The following RAP1GDS1 variants were observed in gnomAD, a reference collection of about 807,000 sequenced individuals.
RAP1GDS1 encodes the protein Rap1 GTPase-GDP dissociation stimulator 1, also known as RAP1, GTP-GDP dissociation stimulator 1.
In RAP1GDS1, 35 loss-of-function variants were observed where a neutral mutation model predicts 71.1. The ratio of observed to expected loss-of-function variants is 0.49; its 90% CI spans 0.38 to 0.65. The LOEUF is 0.65. Ranked by LOEUF, RAP1GDS1 falls within the 30% of genes least tolerant of loss-of-function variation. The pLI is 0.00. For synonymous variants in RAP1GDS1, 229 were observed against 243.1 expected, an observed-to-expected ratio of 0.94 and a Z score of 0.54; for missense variants, 663 against 706.1, an observed-to-expected ratio of 0.94 and a Z score of 0.69.
intron 13 of RAP1GDS1, among the ~76,000 whole-genome samples, chr4:98,435,870 G>C (rs982507976): frequency 2.6e-5 from 4 of 151,934 alleles, no homozygotes; most frequent in African/African-American, 9.7e-5. Flanking sequence ...AGGAGATCGA[G>C]ACCATCCTGG....
At chr4:98,262,125 C>G (rs1310965389) in intron 1 of RAP1GDS1, among the ~76,000 whole-genome samples, 1 of 152,224 alleles carries the variant, frequency 6.6e-6, no homozygotes, top group Non-Finnish European at 1.5e-5. Context: ...GGAGAGCGGA[C>G]AGCCTCATAG....
chr4:98,334,052 A>T (rs925888776), intron 2 of RAP1GDS1, among the ~76,000 whole-genome samples: 4 of 152,264 alleles, frequency 2.6e-5, no homozygotes, highest in African/African-American at 9.6e-5. Flanking sequence ...AAACCAGCTT[A>T]TTTATCAAAG....
At chr4:98,291,231 A>G (rs375892085) in intron 1 of RAP1GDS1, among the ~76,000 whole-genome samples, 22 of 152,300 alleles carry the variant, frequency 1.4e-4, no homozygotes, top group African/African-American at 4.8e-4. Flanking sequence ...GACCAAGTCA[A>G]CTTTGCTTTA....
rs1159603078 is a variant in RAP1GDS1, at chr4:98,420,109, T to C, written c.1265T>C (p.Leu422Pro). ...KSEMPPVQFK[L>P]LGTLRMLIDA... Reference sequence around the variant, plus strand: ...GAAATGCCTCCTGTTCAGTTCAAACTTCTGGGAACATTAAGAATGTTAATA... The same window carrying C: ...GAAATGCCTCCTGTTCAGTTCAAACCTCTGGGAACATTAAGAATGTTAATA... The change falls in exon 11 of 15, where the codon CTT becomes CCT. Residue 422 changes from leucine to proline, a missense_variant. Transcript: ENST00000408927. The C allele has an allele frequency of 6.3e-7, 1 of 1,590,666 alleles. No individual in the cohort carries two copies. The highest frequency in any genetic ancestry group is 1.3e-5 in the African/African-American group (1 of 74,444).
At chr4:98,394,200 T>TAA (rs1273519945) in intron 6 of RAP1GDS1, among the ~76,000 whole-genome samples, 1 of 152,190 alleles carries the variant, frequency 6.6e-6, no homozygotes, top group African/African-American at 2.4e-5. Flanking sequence ...CATCCCTTTA[T>TAA]GGTTTTGTGT....
In RAP1GDS1 at chr4:98,443,821, G is replaced by A. The variant is rs1752148512; in HGVS notation, c.*1704G>A. 5.5e-6 allele frequency: 1 copy of A among 180,204 alleles called. No individual in the cohort carries two copies. Among genetic ancestry groups the A allele is most frequent in the African/African-American group, 2.4e-5 (1 of 42,338 alleles). The allele number at this position is 180,204 out of a possible 1,614,324, so 11.2% of individuals were successfully genotyped here. On this transcript the variant is annotated 3_prime_UTR_variant, in exon 15 of 15. Coordinates refer to ENST00000408927, the MANE Select transcript of RAP1GDS1 (RefSeq NM_001100427.2). ...AAGACATCTGTAATGTTGCATATCT[G>A]TTCATATTAATAACTTAATAAATAG...
chr4:98,286,886 TAAAAAAAAAAAA>T (rs778410316), intron 1 of RAP1GDS1, among the ~76,000 whole-genome samples: 1 of 90,150 alleles, frequency 1.1e-5, no homozygotes, highest in South Asian at 3.8e-4. Flanking sequence ...AACTCCGTCT[TAAAAAAAAAAAA>T]AAAAAAAAAA....
chr4:98,379,644 T>G (rs954328955), intron 5 of RAP1GDS1, among the ~76,000 whole-genome samples: 2 of 151,940 alleles, frequency 1.3e-5, no homozygotes, highest in Non-Finnish European at 2.9e-5. Flanking sequence ...TTTTAGAAAT[T>G]TAATTATTGT....
In RAP1GDS1 at chr4:98,443,015, A is replaced by ATTTT. The variant is rs397994660; in HGVS notation, c.*918_*921dup. 8.3e-4 allele frequency: 115 copies of ATTTT among 138,170 alleles called. No homozygotes were observed. Among genetic ancestry groups the ATTTT allele is most frequent in the Middle Eastern group, 2.5e-3 (1 of 404 alleles). The allele number at this position is 138,170 out of a possible 1,614,324, so 8.6% of individuals were successfully genotyped here. A position where few individuals can be genotyped will look rare whatever the true frequency, so the allele number is the denominator to read the frequency against. Reference sequence around the variant, plus strand: ...TGAGTATAGTTCATTGAAGAATGGAATTTTTTTTTTTTTTTTTTTTTTTGC... The same window carrying ATTTT: ...TGAGTATAGTTCATTGAAGAATGGAATTTTTTTTTTTTTTTTTTTTTTTTTTTGC... On this transcript the variant is annotated 3_prime_UTR_variant, in exon 15 of 15. Coordinates refer to ENST00000408927, the MANE Select transcript of RAP1GDS1 (RefSeq NM_001100427.2).
chr4:98,310,713 C>T (rs1173239774), intron 2 of RAP1GDS1, among the ~76,000 whole-genome samples: 1 of 151,874 alleles, frequency 6.6e-6, no homozygotes, highest in African/African-American at 2.4e-5. Context: ...AGATGTATGC[C>T]ATCCAGTCTA....
chr4:98,387,455 T>G (rs923775178), intron 5 of RAP1GDS1: 4 of 456,010 alleles, frequency 8.8e-6, no homozygotes, highest in Admixed American at 2.4e-5. Context: ...CTTTGGAGTT[T>G]CCATGAGTGT....
intron 5 of RAP1GDS1, among the ~76,000 whole-genome samples, chr4:98,382,961 C>T (rs555503944): frequency 6.6e-6 from 1 of 151,590 alleles, no homozygotes; most frequent in South Asian, 2.1e-4. Flanking sequence ...TTAAAAATTT[C>T]CCATAGGTGA....
intron 2 of RAP1GDS1, among the ~76,000 whole-genome samples, chr4:98,322,395 G>A (rs1015212662): frequency 1.7e-4 from 19 of 113,054 alleles, no homozygotes; most frequent in East Asian, 7.2e-4. Context: ...CCCAGGAATT[G>A]AACTCAGCTC....
intron 7 of RAP1GDS1, among the ~76,000 whole-genome samples, chr4:98,413,144 G>T (rs183461456): frequency 0.011 from 1,742 of 152,024 alleles, 32 homozygotes; most frequent in African/African-American, 0.039. Context: ...TATCTCAACC[G>T]CATAAGACAG....
intron 6 of RAP1GDS1, among the ~76,000 whole-genome samples, chr4:98,397,486 A>G (rs976226075): frequency 2.0e-5 from 3 of 152,182 alleles, no homozygotes; most frequent in African/African-American, 7.2e-5. Context: ...TCTAAAAACA[A>G]AAAGCAAACA....
At chr4:98,435,145 G>A (rs1234067011) in intron 13 of RAP1GDS1, among the ~76,000 whole-genome samples, 1 of 152,040 alleles carries the variant, frequency 6.6e-6, no homozygotes, top group Non-Finnish European at 1.5e-5. Context: ...AAGCCATTTG[G>A]GTAAATACTG....
intron 2 of RAP1GDS1, among the ~76,000 whole-genome samples, chr4:98,304,376 A>G (rs926051339): frequency 6.6e-6 from 1 of 152,152 alleles, no homozygotes; most frequent in African/African-American, 2.4e-5. Context: ...TTGACTTTTT[A>G]GTAATCACCA....
intron 3 of RAP1GDS1, among the ~76,000 whole-genome samples, chr4:98,345,875 C>T (rs574753216): frequency 6.6e-6 from 1 of 152,130 alleles, no homozygotes; most frequent in Non-Finnish European, 1.5e-5. Flanking sequence ...GGTCTGAGTA[C>T]AGCGGTAGCA....
At chr4:98,434,774 C>T (rs1158302217) in intron 13 of RAP1GDS1, among the ~76,000 whole-genome samples, 1 of 152,050 alleles carries the variant, frequency 6.6e-6, no homozygotes, top group East Asian at 1.9e-4. Context: ...GTGCATGCCA[C>T]TGTGCCTGAC....
Sources: gnomAD v4.1 joint callset for allele counts (sites outside exome capture counted in the v4.1 genomes callset) on GRCh38, gnomAD v4.1.1 for gene constraint, MANE v1.5 for transcripts, NCBI Gene and HGNC (gene_info 2026-07-23, HGNC 2026-07-21) for gene names.